Variants in UGT2B10 observed in about 807,000 individuals in gnomAD.
UGT2B10 encodes the protein UDP-glucuronosyltransferase 2B10.
A neutral mutation model predicts 43.7 loss-of-function variants in UGT2B10; 51 were observed. That is an observed-to-expected ratio of 1.17 (90% confidence interval 0.93 to 1.47). The LOEUF (loss-of-function observed/expected upper bound fraction) is 1.47, where lower values mean the gene tolerates loss of function less well. UGT2B10 is among the 40% of genes most tolerant of loss of function. UGT2B10 has a pLI of 0.00. For synonymous variants in UGT2B10, 225 were observed against 209.0 expected (o/e 1.08, Z -0.66); for missense variants, 696 against 617.7 (o/e 1.13, Z -1.34).
At chr4:68,823,047 G>C (rs1737589254) in intron 3 of UGT2B10, among the ~76,000 whole-genome samples, 1 of 152,050 alleles carries the variant, frequency 6.6e-6, no homozygotes, top group Non-Finnish European at 1.5e-5. Flanking sequence ...TGAAATATGT[G>C]GCAACAAATA....
intron 4 of UGT2B10, 80 bp downstream of exon 4, chr4:68,826,577 T>C (rs1737793542): frequency 2.0e-6 from 3 of 1,466,102 alleles, no homozygotes; most frequent in Non-Finnish European, 1.8e-6. Flanking sequence ...AGCATGCTTA[T>C]TGAATATTTG....
chr4:68,818,909 T>A (rs768164487), intron 2 of UGT2B10, among the ~76,000 whole-genome samples: 1 of 151,544 alleles, frequency 6.6e-6, no homozygotes, highest in Non-Finnish European at 1.5e-5. Flanking sequence ...CTAAAAAGAG[T>A]TCAGAAATAA....
rs755022877 is a variant in UGT2B10, at chr4:68,830,877, T to C, written c.1585T>C (p.Ter529GlnextTer13). 5 of 1,611,892 alleles carry C rather than the reference T, an allele frequency of 3.1e-6. No individual in the cohort carries two copies. Among genetic ancestry groups the C allele is most frequent in the Non-Finnish European group, 3.4e-6 (4 of 1,178,996 alleles). The stretch of plus-strand genomic sequence containing the variant: ...AAAAGGAAAGAAGGGAAAAAGGGAT[T>C]AGTTATATCTGAGATTTGAAGCTGG... The part of the protein sequence containing the change: ...ARKGKKGKRD[*>Q] The change falls in exon 6 of 6, where the codon TAG becomes CAG. Residue 529 changes from the stop codon to glutamine (Q), a stop_lost. Coordinates refer to ENST00000265403, the MANE Select transcript of UGT2B10 (RefSeq NM_001075.6).
chr4:68,816,112 A>G lies in UGT2B10; in HGVS notation c.93A>G (p.Glu31=), dbSNP rs1446766352. ...GAAAGGTGCTGGTATGGGCCGCAGA[A>G]TACAGCCTTTGGATGAATATGAAGA... ...SCGKVLVWAA[E]YSLWMNMKTI... is the part of the protein sequence containing the mutation. The change falls in exon 1 of 6, where the codon GAA becomes GAG. Residue 31 remains glutamate (E), a synonymous_variant. Transcript: ENST00000265403. 5 of 1,613,358 alleles carry G rather than the reference A, an allele frequency of 3.1e-6. No individual in the cohort carries two copies. In the South Asian group the frequency reaches 5.5e-5, roughly 18 times the overall value.
Position 68,830,783 on chromosome 4 carries a change from G to C in UGT2B10, c.1491G>C (p.Leu497=), listed in dbSNP as rs764032651. The change falls in exon 6 of 6, where the codon CTG becomes CTC. Residue 497 remains leucine (L), a synonymous_variant. Coordinates refer to ENST00000265403, the MANE Select transcript of UGT2B10 (RefSeq NM_001075.6). ...YHSLDVIGFL[L]ACVATVLFII... is the part of the protein sequence containing the mutation. ...CTTTGGATGTGATTGGGTTCCTGCT[G>C]GCTTGTGTGGCAACCGTGCTATTTA... is the stretch of plus-strand genomic sequence containing the variant. The C allele has an allele frequency of 6.2e-6, 10 of 1,613,228 alleles. No homozygotes were observed. The East Asian group carries it at 6.7e-5, about 11-fold the overall frequency.
At chr4:68,829,588 T>A (rs1285837978) in intron 5 of UGT2B10, among the ~76,000 whole-genome samples, 2 of 151,826 alleles carry the variant, frequency 1.3e-5, no homozygotes, top group Non-Finnish European at 2.9e-5. Flanking sequence ...ATCCTAGAGG[T>A]TCCGTCAGAT....
At chr4:68,824,286 G>C (rs1011593848) in intron 3 of UGT2B10, among the ~76,000 whole-genome samples, 31 of 152,188 alleles carry the variant, frequency 2.0e-4, no homozygotes, top group Non-Finnish European at 3.7e-4. Flanking sequence ...ACTGGGCCCA[G>C]CCAATATCTG....
rs1738107452 is a variant in UGT2B10, at chr4:68,831,708, A to G, written c.*829A>G. Among the ~76,000 whole-genome samples, 1 of 152,008 alleles carries G rather than the reference A, an allele frequency of 6.6e-6. No homozygotes were observed. The highest frequency in any genetic ancestry group is 1.9e-4 in the East Asian group (1 of 5,174). On this transcript the variant is annotated 3_prime_UTR_variant, in exon 6 of 6. Transcript: ENST00000265403. ...TTTCTTCCAAAGCTCTCTTGTTTCT[A>G]GTTGTTTTCTTGGTCTTAACTACCC...
chr4:68,816,154 T>A lies in UGT2B10; in HGVS notation c.135T>A (p.Leu45=). 6.2e-7 allele frequency: 1 copy of A among 1,613,316 alleles called. No individual in the cohort carries two copies. Among genetic ancestry groups the A allele is most frequent in the East Asian group, 2.2e-5 (1 of 44,830 alleles). ...ATATGAAGACAATCCTGAAAGAACTTGTTCAGAGAGGTCATGAGGTGACTG... is the reference window on the plus strand; with the variant it reads ...ATATGAAGACAATCCTGAAAGAACTAGTTCAGAGAGGTCATGAGGTGACTG... ...WMNMKTILKE[L]VQRGHEVTVL... is the part of the protein sequence containing the mutation. The change falls in exon 1 of 6, where the codon CTT becomes CTA. Residue 45 remains leucine, a synonymous_variant. Transcript: ENST00000265403.
intron 3 of UGT2B10, among the ~76,000 whole-genome samples, chr4:68,823,145 A>G (rs1235344283): frequency 6.6e-6 from 1 of 152,172 alleles, no homozygotes; most frequent in Non-Finnish European, 1.5e-5. Context: ...TCATTAATAT[A>G]GGAATAATAA....
intron 2 of UGT2B10, among the ~76,000 whole-genome samples, chr4:68,819,486 T>A (rs1737387644): frequency 6.6e-6 from 1 of 151,806 alleles, no homozygotes; most frequent in Non-Finnish European, 1.5e-5. Context: ...TATAAATGTG[T>A]GCCTCAAATA....
chr4:68,818,178 G>A lies in UGT2B10; in HGVS notation c.867+1G>A, dbSNP rs745596372. The A allele has an allele frequency of 8.7e-6, 14 of 1,607,738 alleles. 2 individuals carry two copies. The South Asian group carries it at 1.6e-4, about 18-fold the overall frequency. The stretch of plus-strand genomic sequence containing the variant: ...CAAACCTGCCAAACCCCTACCTAAG[G>A]TAAACATACTTTCGTTGGTTTTATT... On this transcript the variant is annotated splice_donor_variant, in intron 2 of 5. Transcript: ENST00000265403. LOFTEE classifies it high-confidence loss of function.
At chr4:68,826,660 T>C (rs1167370383) in intron 4 of UGT2B10, among the ~76,000 whole-genome samples, 163 bp downstream of exon 4, 2 of 152,188 alleles carry the variant, frequency 1.3e-5, no homozygotes, top group African/African-American at 4.8e-5. Context: ...GTTATAATTG[T>C]TGGCATTTTG....
chr4:68,820,261 TTTAA>T (rs1416509097), intron 2 of UGT2B10, among the ~76,000 whole-genome samples: 18 of 152,216 alleles, frequency 1.2e-4, no homozygotes, highest in East Asian at 9.6e-4. Context: ...AAACCAGTTC[TTTAA>T]TTGTTTATTA....
intron 3 of UGT2B10, among the ~76,000 whole-genome samples, chr4:68,825,575 G>A (rs920627421): frequency 2.0e-5 from 3 of 152,006 alleles, no homozygotes; most frequent in Admixed American, 6.6e-5. Context: ...CCACTCATAA[G>A]TGAGGACTTG....
At chr4:68,828,417 AG>A (rs200310410) in intron 5 of UGT2B10, among the ~76,000 whole-genome samples, 3,073 of 152,066 alleles carry the variant, frequency 0.02, 119 homozygotes, top group African/African-American at 0.07. Context: ...TATCATCTAA[AG>A]AAATACTCTA....
intron 5 of UGT2B10, among the ~76,000 whole-genome samples, chr4:68,828,045 T>A (rs190459744): frequency 1.8e-4 from 28 of 152,138 alleles, no homozygotes; most frequent in East Asian, 1.2e-3. Flanking sequence ...TTACTATGTT[T>A]ACAGAGTCAT....
intron 2 of UGT2B10, among the ~76,000 whole-genome samples, chr4:68,819,893 A>T (rs1427096756): frequency 6.6e-6 from 1 of 152,080 alleles, no homozygotes; most frequent in Non-Finnish European, 1.5e-5. Flanking sequence ...TCTTCAATGG[A>T]TTATTATGCA....
chr4:68,830,184 A>C (rs1262622445), intron 5 of UGT2B10, among the ~76,000 whole-genome samples: 1 of 152,106 alleles, frequency 6.6e-6, no homozygotes, highest in Non-Finnish European at 1.5e-5. Context: ...ATGTGTTCAT[A>C]ATACAAAGGA....
Sources: allele counts gnomAD v4.1 joint callset (sites outside exome capture counted in the v4.1 genomes callset), GRCh38; gene constraint gnomAD v4.1.1; transcripts MANE v1.5; gene names NCBI Gene and HGNC (gene_info 2026-07-23, HGNC 2026-07-21).